The following SEM1 variants were observed in gnomAD, a reference collection of about 807,000 sequenced individuals.
The protein encoded by SEM1 is 26S proteasome complex subunit SEM1.
Under a neutral mutation model 12.7 loss-of-function variants are expected in SEM1, and 3 were observed. The ratio of observed to expected loss-of-function variants is 0.24; its 90% confidence interval spans 0.11 to 0.61. The LOEUF (loss-of-function observed/expected upper bound fraction) is 0.61. Ranked by LOEUF, SEM1 falls within the 20% of genes least tolerant of loss-of-function variation. The pLI, the probability that SEM1 is intolerant of heterozygous loss-of-function variation, is 0.88. For missense variants in SEM1, 59 were observed against 81.3 expected (o/e 0.73, Z 1.06); for synonymous variants, 30 against 27.8 (o/e 1.08, Z -0.25).
intron 2 of SEM1, among the ~76,000 whole-genome samples, chr7:96,512,543 T>G (rs2117303186): frequency 6.6e-6 from 1 of 152,256 alleles, no homozygotes; most frequent in East Asian, 1.9e-4. Context: ...TTTAATTCAC[T>G]AAATCACATT....
intron 2 of SEM1, among the ~76,000 whole-genome samples, chr7:96,692,564 AAGAC>A (rs1184407064): frequency 4.6e-5 from 7 of 152,106 alleles, no homozygotes; most frequent in African/African-American, 1.4e-4. Flanking sequence ...ACATAAAACA[AAGAC>A]AGATATAAAA....
At chr7:96,589,232 G>A (rs980360748) in intron 2 of SEM1, among the ~76,000 whole-genome samples, 4 of 152,052 alleles carry the variant, frequency 2.6e-5, no homozygotes, top group African/African-American at 9.7e-5. Context: ...ATTCTGCTTG[G>A]CTGCCTCCAT....
At chr7:96,556,092 G>A (rs527609748) in intron 2 of SEM1, among the ~76,000 whole-genome samples, 1,722 of 152,106 alleles carry the variant, frequency 0.011, 28 homozygotes, top group African/African-American at 0.039. Flanking sequence ...GTCGCTGCAC[G>A]TGAGATGGGT....
intron 2 of SEM1, among the ~76,000 whole-genome samples, chr7:96,542,293 G>GT (rs1804981252): frequency 6.6e-6 from 1 of 151,762 alleles, no homozygotes; most frequent in African/African-American, 2.4e-5. Flanking sequence ...GTGTTTTGTA[G>GT]TTCTCCTTGT....
chr7:96,494,681 T>A (rs6961285), intron 1 of SEM1, among the ~76,000 whole-genome samples: 5 of 151,484 alleles, frequency 3.3e-5, no homozygotes, highest in Admixed American at 2.6e-4. Context: ...GTCAGATAAG[T>A]GAGAGCTACA....
chr7:96,671,962 T>C (rs1789328118), downstream of SEM1, among the ~76,000 whole-genome samples: 1 of 152,202 alleles, frequency 6.6e-6, no homozygotes, highest in Non-Finnish European at 1.5e-5. Context: ...ATCTCTCTTA[T>C]AAAAATAGGT....
chr7:96,599,833 T>C (rs1239309224), intron 2 of SEM1, among the ~76,000 whole-genome samples: 1 of 152,194 alleles, frequency 6.6e-6, no homozygotes, highest in Non-Finnish European at 1.5e-5. Context: ...TTTCACCTGT[T>C]GGAGAATGCA....
chr7:96,503,628 G>T (rs975544428), intron 3 of SEM1: 1 of 152,038 alleles, frequency 6.6e-6, no homozygotes, highest in Non-Finnish European at 1.5e-5. Flanking sequence ...ATAACACAGG[G>T]TTTCCTACAC....
intron 2 of SEM1, among the ~76,000 whole-genome samples, chr7:96,536,088 G>A (rs1156633973): frequency 1.3e-5 from 2 of 151,890 alleles, no homozygotes; most frequent in African/African-American, 4.8e-5. Context: ...CAGTGTATAA[G>A]CATTCCCTTT....
intron 1 of SEM1, among the ~76,000 whole-genome samples, chr7:96,492,260 C>T (rs998718890): frequency 5.3e-5 from 8 of 152,184 alleles, no homozygotes; most frequent in Non-Finnish European, 1.2e-4. Context: ...CCCTGATAAA[C>T]TCCATCTACT....
chr7:96,673,821 G>A (rs577974414), exon 3 of SEM1: 6 of 765,152 alleles, frequency 7.8e-6, no homozygotes, highest in East Asian at 4.9e-5. Context: ...GCAGCCATAC[G>A]GGGTTTCACA....
At chr7:96,578,688 G>C (rs1314851839) in intron 2 of SEM1, among the ~76,000 whole-genome samples, 2 of 152,180 alleles carry the variant, frequency 1.3e-5, no homozygotes, top group African/African-American at 4.8e-5. Context: ...TAATGTCTTT[G>C]TTGTAGTGTA....
intron 2 of SEM1, among the ~76,000 whole-genome samples, chr7:96,577,786 G>A (rs117352374): frequency 0.027 from 4,083 of 151,868 alleles, 77 homozygotes; most frequent in Non-Finnish European, 0.035. Flanking sequence ...TCCAAGGAAT[G>A]TGAGATCAAA....
At chr7:96,588,590 A>G (rs1318458502) in intron 2 of SEM1, among the ~76,000 whole-genome samples, 1 of 152,020 alleles carries the variant, frequency 6.6e-6, no homozygotes, top group Non-Finnish European at 1.5e-5. Context: ...AGGAAGAAAA[A>G]AAGACAGTGA....
At chr7:96,577,809 A>G (rs185908587) in intron 2 of SEM1, among the ~76,000 whole-genome samples, 10 of 152,128 alleles carry the variant, frequency 6.6e-5, no homozygotes, top group African/African-American at 1.9e-4. Flanking sequence ...TTAAACTATC[A>G]TATTAAGTGA....
At chr7:96,562,998 A>G (rs1186210428) in intron 2 of SEM1, among the ~76,000 whole-genome samples, 2 of 152,164 alleles carry the variant, frequency 1.3e-5, no homozygotes, top group Non-Finnish European at 2.9e-5. Context: ...GATGTGAGTA[A>G]AATGTTTTGA....
At chr7:96,611,715 AC>A (rs757361671) in intron 2 of SEM1, among the ~76,000 whole-genome samples, 6 of 152,202 alleles carry the variant, frequency 3.9e-5, no homozygotes, top group Non-Finnish European at 2.9e-5. Flanking sequence ...GGTCAGCCTA[AC>A]ATACCAAGCA....
intron 2 of SEM1, among the ~76,000 whole-genome samples, chr7:96,592,915 C>A (rs182298195): frequency 1.3e-5 from 2 of 150,516 alleles, no homozygotes; most frequent in African/African-American, 2.5e-5. Context: ...CAAAAGCAAC[C>A]CTTCTTGTCT....
At chr7:96,633,129 C>T (rs1208521668) in intron 2 of SEM1, among the ~76,000 whole-genome samples, 1 of 151,884 alleles carries the variant, frequency 6.6e-6, no homozygotes, top group Non-Finnish European at 1.5e-5. Context: ...TAGGGAAGGG[C>T]CCAAACATCA....
Sources: allele counts gnomAD v4.1 joint callset (sites outside exome capture counted in the v4.1 genomes callset), GRCh38; gene constraint gnomAD v4.1.1; transcripts MANE v1.5; gene names NCBI Gene and HGNC (gene_info 2026-07-23, HGNC 2026-07-21).